Variants in NEMP2 observed in about 807,000 individuals in gnomAD.
The protein encoded by NEMP2 is nuclear envelope integral membrane protein 2.
In NEMP2, 53 loss-of-function variants were observed where a neutral mutation model predicts 54.2. The observed-to-expected ratio is 0.98, with a 90% CI of 0.78 to 1.23. The LOEUF (loss-of-function observed/expected upper bound fraction) is 1.23, where lower values mean the gene tolerates loss of function less well. Ranked by LOEUF, NEMP2 falls within the 50% of genes most tolerant of loss-of-function variation. NEMP2 has a pLI of 0.00. For missense variants in NEMP2, 455 were observed against 511.3 expected (o/e 0.89, Z 1.06); for synonymous variants, 197 against 190.3 (o/e 1.04, Z -0.29).
At chr2:190,551,855 C>T in the NEMP2 span, among the ~76,000 whole-genome samples, 1 of 152,128 alleles carries the variant, frequency 6.6e-6, no homozygotes, top group Admixed American at 6.5e-5. Context: ...GTCAGCTTGC[C>T]GTATAAGATT....
the NEMP2 span, among the ~76,000 whole-genome samples, chr2:190,581,445 A>G: frequency 6.6e-6 from 1 of 152,342 alleles, no homozygotes; most frequent in Non-Finnish European, 1.5e-5. Flanking sequence ...TGATCAAACC[A>G]TGTTTGCTGA....
chr2:190,588,125 G>A, the NEMP2 span, among the ~76,000 whole-genome samples: 2 of 152,178 alleles, frequency 1.3e-5, no homozygotes. The surrounding 1 kb of genome is among the most constrained non-coding windows in gnomAD (Gnocchi z 5.0). Flanking sequence ...CTCTAACGCA[G>A]ATCTTAAATC....
the NEMP2 span, chr2:190,488,665 C>T: frequency 2.6e-6 from 4 of 1,553,086 alleles, no homozygotes; most frequent in Admixed American, 7.9e-5. This position sits in a 1 kb window ranked among gnomAD's most constrained non-coding sequence, Gnocchi z 6.4. Flanking sequence ...AGGAGTGACA[C>T]ACGCGGCCAT....
chr2:190,536,714 G>A (rs1360770363), upstream of NEMP2, among the ~76,000 whole-genome samples: 1 of 152,026 alleles, frequency 6.6e-6, no homozygotes, highest in Non-Finnish European at 1.5e-5. Context: ...GCTGAGTGAG[G>A]GACACTGAGA....
the NEMP2 span, among the ~76,000 whole-genome samples, chr2:190,428,300 T>C: frequency 6.6e-6 from 1 of 152,330 alleles, no homozygotes; most frequent in East Asian, 1.9e-4. Flanking sequence ...GCAGTGAACA[T>C]GTTTATAGAT....
the NEMP2 span, chr2:190,436,961 C>T: frequency 7.4e-6 from 12 of 1,614,116 alleles, no homozygotes; most frequent in South Asian, 4.4e-5. The surrounding 1 kb of genome is among the most constrained non-coding windows in gnomAD (Gnocchi z 5.3). Context: ...ATCGTAGACA[C>T]GGTCACACTC....
At chr2:190,437,411 A>G in the NEMP2 span, 2 of 1,614,216 alleles carry the variant, frequency 1.2e-6, no homozygotes, top group Non-Finnish European at 1.7e-6. The surrounding 1 kb of genome is among the most constrained non-coding windows in gnomAD (Gnocchi z 5.9). Context: ...GGTTTTGGAT[A>G]TGGCTTCGTG....
At chr2:190,623,347 C>T in the NEMP2 span, among the ~76,000 whole-genome samples, 1 of 151,922 alleles carries the variant, frequency 6.6e-6, no homozygotes, top group Non-Finnish European at 1.5e-5. Flanking sequence ...CACTCAAGAC[C>T]CCAAATAGCC....
At chr2:190,560,986 C>CA in the NEMP2 span, among the ~76,000 whole-genome samples, 3 of 152,172 alleles carry the variant, frequency 2.0e-5, no homozygotes, top group Non-Finnish European at 4.4e-5. This position sits in a 1 kb window ranked among gnomAD's most constrained non-coding sequence, Gnocchi z 5.4. Context: ...GAGAAATACT[C>CA]AGAGAATTTA....
chr2:190,520,960 C>CT lies in NEMP2; in HGVS notation c.214-1778dup, dbSNP rs1690732203. Reference sequence around the variant, plus strand: ...TATACACCATTCCCTGGCACATACCCTTGACTCCTTTGTACCCCTCTTGCT... The same window carrying CT: ...TATACACCATTCCCTGGCACATACCCTTTGACTCCTTTGTACCCCTCTTGCT... On this transcript the variant is annotated intron_variant, in intron 2 of 8. Coordinates refer to ENST00000409150, the MANE Select transcript of NEMP2 (RefSeq NM_001142645.2). This position sits in a 1 kb window ranked among gnomAD's most constrained non-coding sequence, Gnocchi z 5.4. 6.6e-6 allele frequency among the ~76,000 whole-genome samples: 1 copy of CT among 152,148 alleles called. No individual in the cohort carries two copies.
chr2:190,636,291 T>G, the NEMP2 span, among the ~76,000 whole-genome samples: 1 of 152,242 alleles, frequency 6.6e-6, no homozygotes, highest in Non-Finnish European at 1.5e-5. Context: ...AAAAAATCTG[T>G]GCAAATTTTG....
chr2:190,550,748 C>T, the NEMP2 span, among the ~76,000 whole-genome samples: 1 of 152,124 alleles, frequency 6.6e-6, no homozygotes, highest in Non-Finnish European at 1.5e-5. This position sits in a 1 kb window ranked among gnomAD's most constrained non-coding sequence, Gnocchi z 4.7. Context: ...AGGTAACTGT[C>T]TTTAATGTAT....
At chr2:190,534,531 C>G in intron 1 of NEMP2, 28 bp downstream of exon 1, 1 of 1,380,146 alleles carries the variant, frequency 7.2e-7, no homozygotes, top group South Asian at 1.6e-5. Context: ...CACGCACGCG[C>G]GCGCCGCCGC....
At chr2:190,437,346 C>A in the NEMP2 span, 1 of 1,614,130 alleles carries the variant, frequency 6.2e-7, no homozygotes, top group Non-Finnish European at 8.5e-7. The surrounding 1 kb of genome is among the most constrained non-coding windows in gnomAD (Gnocchi z 5.9). Flanking sequence ...GGGACTTAAT[C>A]AAGCTGCTCT....
chr2:190,609,443 C>T, the NEMP2 span: 1 of 152,044 alleles, frequency 6.6e-6, no homozygotes, highest in Admixed American at 6.6e-5. This position sits in a 1 kb window ranked among gnomAD's most constrained non-coding sequence, Gnocchi z 4.7. Context: ...CGAGGAGTTT[C>T]TTCAGACCCC....
the NEMP2 span, among the ~76,000 whole-genome samples, chr2:190,438,371 C>A: frequency 6.6e-6 from 1 of 152,118 alleles, no homozygotes; most frequent in Non-Finnish European, 1.5e-5. This position sits in a 1 kb window ranked among gnomAD's most constrained non-coding sequence, Gnocchi z 5.2. Flanking sequence ...CAAAAGTTAG[C>A]CGGGCATGGT....
the NEMP2 span, chr2:190,436,163 A>T: frequency 6.2e-6 from 10 of 1,614,112 alleles, no homozygotes; most frequent in Non-Finnish European, 8.5e-6. The surrounding 1 kb of genome is among the most constrained non-coding windows in gnomAD (Gnocchi z 5.3). Flanking sequence ...TCCTCCACAG[A>T]AACATCTGCT....
the NEMP2 span, among the ~76,000 whole-genome samples, chr2:190,424,667 T>A: frequency 1.3e-5 from 2 of 152,202 alleles, no homozygotes; most frequent in African/African-American, 2.4e-5. This position sits in a 1 kb window ranked among gnomAD's most constrained non-coding sequence, Gnocchi z 5.9. Flanking sequence ...GATGTCTAAT[T>A]ACCTCAGCAC....
the NEMP2 span, among the ~76,000 whole-genome samples, chr2:190,424,773 G>T: frequency 6.6e-6 from 1 of 152,170 alleles, no homozygotes; most frequent in East Asian, 1.9e-4. The surrounding 1 kb of genome is among the most constrained non-coding windows in gnomAD (Gnocchi z 5.9). Context: ...TCTGGGTTCT[G>T]TATTCTGTTA....
Sources: gnomAD v4.1 joint callset for allele counts (sites outside exome capture counted in the v4.1 genomes callset) on GRCh38, gnomAD v4.1.1 for gene constraint, Gnocchi (gnomAD v3.1) non-coding constraint, MANE v1.5 for transcripts, NCBI Gene and HGNC (gene_info 2026-07-23, HGNC 2026-07-21) for gene names.